PAK4: variants seen among roughly 807,000 people sequenced by gnomAD.
PAK4 encodes the protein serine/threonine-protein kinase PAK 4.
In PAK4, 49 loss-of-function variants were observed where a neutral mutation model predicts 53.5. The observed-to-expected ratio is 0.92, with a 90% CI of 0.73 to 1.16. PAK4 has a LOEUF of 1.16. Among genes scored for constraint, PAK4 ranks in the 50% most tolerant of loss-of-function variants. The probability of loss-of-function intolerance (pLI) is 0.00; values close to 1 mark genes in which losing one functional copy is unlikely to be tolerated. For missense variants in PAK4, 824 were observed against 850.7 expected (o/e 0.97, Z 0.39); for synonymous variants, 376 against 375.6 (o/e 1.00, Z -0.01).
chr19:39,146,327 T>A (rs2073998720), intron 1 of PAK4, among the ~76,000 whole-genome samples: 1 of 152,082 alleles, frequency 6.6e-6, no homozygotes, highest in South Asian at 2.1e-4. Context: ...GGCTCCAGCC[T>A]AGGAAATCAA....
intron 1 of PAK4, among the ~76,000 whole-genome samples, chr19:39,133,794 G>T (rs2073758478): frequency 6.6e-6 from 1 of 152,202 alleles, no homozygotes; most frequent in African/African-American, 2.4e-5. Flanking sequence ...GCGGTTTTGA[G>T]TTCACTTCCC....
intron 1 of PAK4, chr19:39,168,910 T>A (rs1367010666): frequency 6.5e-6 from 1 of 153,274 alleles, no homozygotes; most frequent in Non-Finnish European, 1.4e-5. Flanking sequence ...TGACCGTCCA[T>A]CCAGTACACA....
rs367693911 is a variant in PAK4, at chr19:39,173,558, A to G, written c.664-18A>G. 4 of 1,510,832 alleles carry G rather than the reference A, an allele frequency of 2.6e-6. No homozygotes were observed. Among genetic ancestry groups the G allele is most frequent in the African/African-American group, 1.4e-5 (1 of 71,270 alleles). 93.6% of individuals were successfully genotyped at this position (1,510,832 alleles called of 1,614,324 possible). On this transcript the variant is annotated intron_variant, in intron 3 of 8. Transcript: ENST00000358301. The surrounding 1 kb of genome is among the most constrained non-coding windows in gnomAD (Gnocchi z 6.9). Reference sequence around the variant, plus strand: ...TCCCTGGCACCCATCACTGACAGCTACCTCTCTTCTGTTTCAGGGGGAGCC... The same window carrying G: ...TCCCTGGCACCCATCACTGACAGCTGCCTCTCTTCTGTTTCAGGGGGAGCC...
rs1262815172 is a variant in PAK4, at chr19:39,127,140, C to G, written c.-23+1221C>G. 3.9e-5 allele frequency among the ~76,000 whole-genome samples: 6 copies of G among 152,102 alleles called. No individual in the cohort carries two copies. The East Asian group carries it at 1.2e-3, about 29-fold the overall frequency. On this transcript the variant is annotated intron_variant, in intron 1 of 8. Transcript: ENST00000358301. ...GGTCTGGAGTCCGAGCAAGGGAGTC[C>G]GACGGGCTTCTGACTGGGGAGAGTG...
intron 1 of PAK4, among the ~76,000 whole-genome samples, chr19:39,166,380 G>GC: frequency 6.6e-6 from 1 of 152,338 alleles, no homozygotes; most frequent in South Asian, 2.1e-4. Flanking sequence ...GGAGGCGGAG[G>GC]TTGCAGTGAG....
intron 1 of PAK4, among the ~76,000 whole-genome samples, chr19:39,165,543 TAAATAAATA>T (rs1352448531): frequency 7.4e-6 from 1 of 134,408 alleles, no homozygotes; most frequent in African/African-American, 2.5e-5. Context: ...AATAAATAAA[TAAATAAATA>T]AAATAATAAT....
At chr19:39,174,042 G>T in intron 4 of PAK4, 32 bp downstream of exon 5, 3 of 1,397,382 alleles carry the variant, frequency 2.1e-6, no homozygotes, top group Non-Finnish European at 1.9e-6. Flanking sequence ...CGCCCTGCTG[G>T]TCCTCCCACC....
intron 1 of PAK4, among the ~76,000 whole-genome samples, chr19:39,135,903 CCCCG>C: frequency 6.6e-6 from 1 of 151,042 alleles, no homozygotes; most frequent in Non-Finnish European, 1.5e-5. Context: ...TCTCTTGCCC[CCCCG>C]CCACATCCAA....
In PAK4 at chr19:39,173,950, G is replaced by T. The variant is rs2074546615; in HGVS notation, c.1038G>T (p.Leu346=). ...CCACCGTGCGCAGCTCGGGCAAGCT[G>T]GTGGCCGTCAAGAAGATGGACCTGC... The change falls in exon 4 of 9, where the codon CTG becomes CTT. Residue 346 remains leucine (L), a synonymous_variant. Transcript: ENST00000358301. This position sits in a 1 kb window ranked among gnomAD's most constrained non-coding sequence, Gnocchi z 6.9. 2 of 1,610,720 alleles carry T rather than the reference G, an allele frequency of 1.2e-6. No homozygotes were observed. The highest frequency in any genetic ancestry group is 1.3e-5 in the African/African-American group (1 of 74,868).
chr19:39,146,402 G>A (rs531520033), intron 1 of PAK4, among the ~76,000 whole-genome samples: 7 of 152,314 alleles, frequency 4.6e-5, no homozygotes, highest in Middle Eastern at 3.4e-3. Flanking sequence ...GTTAGTTTGC[G>A]GAACATTGTC....
rs539050902 is a variant in PAK4, at chr19:39,133,851, G to A, written c.-23+7932G>A. Among the ~76,000 whole-genome samples the A allele has an allele frequency of 1.3e-4, 20 of 152,314 alleles. No individual in the cohort carries two copies. In the South Asian group the frequency reaches 3.7e-3, roughly 28 times the overall value. ...CACTTCACTCCCAGAGGCGGAAGGC[G>A]GCCGGTCTTCCTGGGCTGCGTGGGG... On this transcript the variant is annotated intron_variant, in intron 1 of 8. Coordinates refer to ENST00000358301, the Ensembl canonical transcript of PAK4.
chr19:39,174,138 C>T (rs1038126395), intron 4 of PAK4, 128 bp downstream of exon 5: 7 of 670,904 alleles, frequency 1.0e-5, no homozygotes, highest in East Asian at 2.8e-5. Context: ...CCTCACTCTT[C>T]TCCCTCCCCA....
At position 39,176,626 on chromosome 19, in the gene PAK4, A is replaced by AG; in HGVS notation, c.1397dup (p.Ser466ArgfsTer42). On this transcript the variant is annotated frameshift_variant, in exon 7 of 9. Transcript: ENST00000358301. LOFTEE classifies it high-confidence loss of function. ...AGACTTTGGGTTCTGCGCCCAGGTGAGCAAGGAAGTGCCCCGAAGGAAGTC... is the reference window on the plus strand; with the variant it reads ...AGACTTTGGGTTCTGCGCCCAGGTGAGGCAAGGAAGTGCCCCGAAGGAAGTC... 1 of 1,613,864 alleles carries AG rather than the reference A, an allele frequency of 6.2e-7. No homozygotes were observed. Among genetic ancestry groups the AG allele is most frequent in the Non-Finnish European group, 8.5e-7 (1 of 1,180,026 alleles).
intron 1 of PAK4, among the ~76,000 whole-genome samples, chr19:39,129,775 C>T (rs1157551249): frequency 3.9e-5 from 6 of 152,160 alleles, no homozygotes; most frequent in African/African-American, 9.7e-5. Flanking sequence ...GCATCCAGGA[C>T]GGTGACTGCA....
intron 2 of PAK4, among the ~76,000 whole-genome samples, chr19:39,171,247 T>C (rs1310368124): frequency 1.3e-5 from 2 of 151,246 alleles, no homozygotes; most frequent in Admixed American, 1.3e-4. Flanking sequence ...TCCTGCTCTG[T>C]CTCCCTGGCT....
intron 1 of PAK4, among the ~76,000 whole-genome samples, chr19:39,151,446 T>G (rs1039206314): frequency 4.6e-5 from 7 of 152,234 alleles, no homozygotes; most frequent in African/African-American, 1.4e-4. Context: ...CAGGGCCACT[T>G]GGCAGTGGTG....
At chr19:39,170,938 C>T (rs779068670) in intron 2 of PAK4, among the ~76,000 whole-genome samples, 4 of 152,356 alleles carry the variant, frequency 2.6e-5, no homozygotes, top group Middle Eastern at 6.8e-3. Context: ...GGCCACAGGC[C>T]GCACCCGACC....
chr19:39,175,419 T>C lies in PAK4; in HGVS notation c.1340T>C (p.Leu447Pro). 1 of 1,611,452 alleles carries C rather than the reference T, an allele frequency of 6.2e-7. No homozygotes were observed. Among genetic ancestry groups the C allele is most frequent in the Non-Finnish European group, 8.5e-7 (1 of 1,179,302 alleles). ...CGGGACATCAAGAGCGACTCGATCC[T>C]GCTGACCCATGATGGCAGGGTGAGG... Residue 447 changes from leucine to proline, a missense_variant, in exon 6 of 9, where the codon CTG becomes CCG. Transcript: ENST00000358301. This position sits in a 1 kb window ranked among gnomAD's most constrained non-coding sequence, Gnocchi z 4.7.
chr19:39,166,376 G>A (rs1362665908), intron 1 of PAK4, among the ~76,000 whole-genome samples: 4 of 152,324 alleles, frequency 2.6e-5, no homozygotes, highest in Admixed American at 6.5e-5. Context: ...GCCGGGAGGC[G>A]GAGGTTGCAG....
Sources: allele counts gnomAD v4.1 joint callset (sites outside exome capture counted in the v4.1 genomes callset), GRCh38; gene constraint gnomAD v4.1.1; non-coding constraint Gnocchi (gnomAD v3.1); transcripts MANE v1.5; gene names NCBI Gene and HGNC (gene_info 2026-07-23, HGNC 2026-07-21).